OR5A1: variants seen among roughly 807,000 people sequenced by gnomAD.
OR5A1 encodes olfactory receptor 5A1.
A neutral mutation model predicts 6.7 loss-of-function variants in OR5A1; 6 were observed. The ratio of observed to expected loss-of-function variants is 0.89; its 90% CI spans 0.49 to 1.76. The LOEUF (loss-of-function observed/expected upper bound fraction) is 1.76, where lower values mean the gene tolerates loss of function less well. Among genes scored for constraint, OR5A1 ranks in the 40% most tolerant of loss-of-function variants. The pLI, the probability that OR5A1 is intolerant of heterozygous loss-of-function variation, is 0.01. For missense variants in OR5A1, 378 were observed against 381.7 expected (o/e 0.99, Z 0.08); for synonymous variants, 170 against 155.0 (o/e 1.10, Z -0.72).
chr11:59,441,112 T>A (rs1858476435), intron 1 of OR5A1, among the ~76,000 whole-genome samples: 1 of 152,154 alleles, frequency 6.6e-6, no homozygotes, highest in Admixed American at 6.6e-5. Flanking sequence ...ATTGAGGATG[T>A]CGAAATAAAG....
rs1404851474 is a variant in OR5A1, at chr11:59,444,226, A to G, written c.*110A>G. 1.0e-5 allele frequency: 7 copies of G among 676,428 alleles called. No individual in the cohort carries two copies. The highest frequency in any genetic ancestry group is 1.8e-5 in the African/African-American group (1 of 55,026). 41.9% of individuals were successfully genotyped at this position (676,428 alleles called of 1,614,324 possible). Reference sequence around the variant, plus strand: ...AGATATTTGGTGCTCTCATTTGTGGAGACTCTTCCCTCCAGATTCCTCTCA... The same window carrying G: ...AGATATTTGGTGCTCTCATTTGTGGGGACTCTTCCCTCCAGATTCCTCTCA... On this transcript the variant is annotated 3_prime_UTR_variant, in exon 2 of 2. Transcript: ENST00000641045.
chr11:59,440,557 C>G (rs550013401), intron 1 of OR5A1, among the ~76,000 whole-genome samples: 1 of 152,144 alleles, frequency 6.6e-6, no homozygotes, highest in East Asian at 1.9e-4. Context: ...TGAATGGGTG[C>G]CCCCAGATGA....
At chr11:59,438,954 C>A (rs947750743) in intron 1 of OR5A1, among the ~76,000 whole-genome samples, 6 of 152,096 alleles carry the variant, frequency 3.9e-5, no homozygotes, top group Non-Finnish European at 8.8e-5. Context: ...AAAGAAAGAC[C>A]TGGAAGAGCA....
chr11:59,436,988 C>A (rs1858423716), intron 1 of OR5A1, among the ~76,000 whole-genome samples, 153 bp downstream of exon 1: 1 of 152,152 alleles, frequency 6.6e-6, no homozygotes, highest in African/African-American at 2.4e-5. Context: ...TCCTCAAATT[C>A]AGCCAAATCT....
rs868264459 is a variant in OR5A1 at position 59,440,822 on chromosome 11, T to A, written c.-33-2314T>A. ...AGGAGCAAAACCTTAGAATATAGGATGAAGCTTAAAGTCATACCGACAATA... is the reference window on the plus strand; with the variant it reads ...AGGAGCAAAACCTTAGAATATAGGAAGAAGCTTAAAGTCATACCGACAATA... On this transcript the variant is annotated intron_variant, in intron 1 of 1. Transcript: ENST00000641045. Among the ~76,000 whole-genome samples, 12 of 152,316 alleles carry A rather than the reference T, an allele frequency of 7.9e-5. No individual in the cohort carries two copies. The Middle Eastern group carries it at 0.017, about 216-fold the overall frequency.
chr11:59,443,478 T>A lies in OR5A1; in HGVS notation c.310T>A (p.Phe104Ile). 1.2e-6 allele frequency: 2 copies of A among 1,613,760 alleles called. No individual in the cohort carries two copies. Among genetic ancestry groups the A allele is most frequent in the Admixed American group, 1.7e-5 (1 of 60,008 alleles). Residue 104 changes from phenylalanine to isoleucine, a missense_variant, in exon 2 of 2, where the codon TTT becomes ATT. Transcript: ENST00000641045. ...ATCATTTGTGGGCTGTGCTGCTCAGTTTTTTTTCTTTGTCGGCATGGGTCT... is the reference window on the plus strand; with the variant it reads ...ATCATTTGTGGGCTGTGCTGCTCAGATTTTTTTCTTTGTCGGCATGGGTCT... ...TISFVGCAAQFFFFVGMGLSE... is the reference protein window; with the variant it reads ...TISFVGCAAQIFFFVGMGLSE...
chr11:59,444,083 GA>G lies in OR5A1; in HGVS notation c.917del (p.Lys306ArgfsTer25), dbSNP rs760392902. 1.9e-6 allele frequency: 3 copies of G among 1,613,446 alleles called. No homozygotes were observed. Among genetic ancestry groups the G allele is most frequent in the Non-Finnish European group, 2.5e-6 (3 of 1,179,632 alleles). On this transcript the variant is annotated frameshift_variant, in exon 2 of 2. Transcript: ENST00000641045. LOFTEE classifies it high-confidence loss of function. ...RNKEIKDALW[K>X]VLERKKVFS is the part of the protein sequence containing the mutation. Reference sequence around the variant, plus strand: ...ACAAAGAGATCAAGGATGCCCTGTGGAAGGTGTTGGAAAGGAAGAAAGTGTT... The same window carrying G: ...ACAAAGAGATCAAGGATGCCCTGTGGAGGTGTTGGAAAGGAAGAAAGTGTT...
intron 1 of OR5A1, among the ~76,000 whole-genome samples, chr11:59,441,612 A>G (rs925158673): frequency 2.6e-5 from 4 of 152,212 alleles, no homozygotes; most frequent in Non-Finnish European, 5.9e-5. Context: ...TACCAGTTTC[A>G]GAGACCTGAT....
Position 59,447,111 on chromosome 11 carries a change from T to C in OR5A1, c.*2995T>C, listed in dbSNP as rs183223053. On this transcript the variant is annotated 3_prime_UTR_variant, in exon 2 of 2. Coordinates refer to ENST00000641045, the MANE Select transcript of OR5A1 (RefSeq NM_001004728.2). ...TACATGTTAAGCCATTGAATCCCTA[T>C]TGACACAGCCATTGAGTGGAAGCTG... 1.3e-5 allele frequency: 2 copies of C among 152,324 alleles called. No individual in the cohort carries two copies. The highest frequency in any genetic ancestry group is 3.9e-4 in the East Asian group (2 of 5,188). The allele number at this position is 152,324 out of a possible 1,614,324, so 9.4% of individuals were successfully genotyped here.
At position 59,443,625 on chromosome 11, in the gene OR5A1, G is replaced by T; in HGVS notation, c.457G>T (p.Val153Phe). ...TACACGCATGGTGGTTGGGGCATAT[G>T]TTGGTGGCTTCCTGAGCTCCCTGAT... is the stretch of plus-strand genomic sequence containing the variant. ...LCTRMVVGAY[V>F]GGFLSSLIQA... The change falls in exon 2 of 2, where the codon GTT becomes TTT. Residue 153 changes from valine (V) to phenylalanine (F), a missense_variant. Physicochemically the swap from Val to Phe is conservative, Grantham distance 50. Coordinates refer to ENST00000641045, the MANE Select transcript of OR5A1 (RefSeq NM_001004728.2). 6.2e-7 allele frequency: 1 copy of T among 1,614,066 alleles called. No individual in the cohort carries two copies. The highest frequency in any genetic ancestry group is 8.5e-7 in the Non-Finnish European group (1 of 1,180,028).
At position 59,446,293 on chromosome 11, in the gene OR5A1, G is replaced by A. The variant is rs1858548439; in HGVS notation, c.*2177G>A. On this transcript the variant is annotated 3_prime_UTR_variant, in exon 2 of 2. Transcript: ENST00000641045. The stretch of plus-strand genomic sequence containing the variant: ...CAGGTTTGTCAAAGATTCAATGGTT[G>A]TAGATGTGCAGTCTTATTTCTGAGA... The A allele has an allele frequency of 1.3e-5, 2 of 152,190 alleles. No individual in the cohort carries two copies. Among genetic ancestry groups the A allele is most frequent in the Admixed American group, 6.5e-5 (1 of 15,276 alleles). 9.4% of individuals were successfully genotyped at this position (152,190 alleles called of 1,614,324 possible).
chr11:59,448,248 TC>T lies in OR5A1; in HGVS notation c.*4135del, dbSNP rs1336130282. 6.6e-6 allele frequency: 1 copy of T among 151,944 alleles called. No homozygotes were observed. Among genetic ancestry groups the T allele is most frequent in the East Asian group, 1.9e-4 (1 of 5,180 alleles). The allele number at this position is 151,944 out of a possible 1,614,324, so 9.4% of individuals were successfully genotyped here. A position where few individuals can be genotyped will look rare whatever the true frequency, so the allele number is the denominator to read the frequency against. On this transcript the variant is annotated 3_prime_UTR_variant, in exon 2 of 2. Transcript: ENST00000641045. ...AACCTGCATGCCATTTCAGCGTAAG[TC>T]CCTCTCCAGGAAAACAGGAGGAAAA... is the stretch of plus-strand genomic sequence containing the variant.
intron 1 of OR5A1, among the ~76,000 whole-genome samples, chr11:59,438,723 G>C (rs1021611423): frequency 1.3e-5 from 2 of 152,188 alleles, no homozygotes; most frequent in African/African-American, 4.8e-5. Flanking sequence ...AATCCAAAAA[G>C]TAATTTAGAA....
chr11:59,441,938 T>TGATA (rs3033264), intron 1 of OR5A1, among the ~76,000 whole-genome samples: 12,098 of 148,000 alleles, frequency 0.082, 463 homozygotes, highest in Non-Finnish European at 0.092. Context: ...GATAGAGAGA[T>TGATA]GATAGATAGA....
rs1435139248 is a variant in OR5A1 at position 59,446,727 on chromosome 11, C to G, written c.*2611C>G. The G allele has an allele frequency of 6.6e-6, 1 of 152,214 alleles. No homozygotes were observed. Among genetic ancestry groups the G allele is most frequent in the African/African-American group, 2.4e-5 (1 of 41,446 alleles). The allele number at this position is 152,214 out of a possible 1,614,324, so 9.4% of individuals were successfully genotyped here. On this transcript the variant is annotated 3_prime_UTR_variant, in exon 2 of 2. Coordinates refer to ENST00000641045, the MANE Select transcript of OR5A1 (RefSeq NM_001004728.2). ...CAGATAATTACCCTTTCATTTCAGGCACTCACAGTGGAATTGTCCCACACA... is the reference window on the plus strand; with the variant it reads ...CAGATAATTACCCTTTCATTTCAGGGACTCACAGTGGAATTGTCCCACACA...
In OR5A1 at chr11:59,450,903, A is replaced by C. The variant is rs535992689; in HGVS notation, c.*6787A>C. On this transcript the variant is annotated 3_prime_UTR_variant, in exon 2 of 2. Coordinates refer to ENST00000641045, the MANE Select transcript of OR5A1 (RefSeq NM_001004728.2). ...GCCATATTTATTGAACAAATTTTCT[A>C]TATCAGACGCTAACTTAAATTCTAA... 7 of 152,350 alleles carry C rather than the reference A, an allele frequency of 4.6e-5. No homozygotes were observed. In the East Asian group the frequency reaches 1.4e-3, roughly 29 times the overall value. The allele number at this position is 152,350 out of a possible 1,614,324, so 9.4% of individuals were successfully genotyped here.
rs558840900 is a variant in OR5A1 at position 59,441,347 on chromosome 11, CT to C, written c.-33-1781del. Among the ~76,000 whole-genome samples, 23 of 151,928 alleles carry C rather than the reference CT, an allele frequency of 1.5e-4. No homozygotes were observed. The East Asian group carries it at 2.3e-3, about 15-fold the overall frequency. On this transcript the variant is annotated intron_variant, in intron 1 of 1. Coordinates refer to ENST00000641045, the MANE Select transcript of OR5A1 (RefSeq NM_001004728.2). The stretch of plus-strand genomic sequence containing the variant: ...GAGATAGATAATAATGTTCAGTTTC[CT>C]TTTTTTTATTAATCAGGAACATGAT...
chr11:59,440,069 T>C (rs969017731), intron 1 of OR5A1, among the ~76,000 whole-genome samples: 1 of 152,186 alleles, frequency 6.6e-6, no homozygotes, highest in African/African-American at 2.4e-5. Flanking sequence ...ACTGTTTGTT[T>C]TATTGTTGTT....
Position 59,446,615 on chromosome 11 carries a change from CT to C in OR5A1, c.*2500del, listed in dbSNP as rs1451092316. ...TGCTCCTATAAAATTCCTGTTTCTC[CT>C]CTTGAATAAATTAAACCTTGCAGCC... On this transcript the variant is annotated 3_prime_UTR_variant, in exon 2 of 2. Coordinates refer to ENST00000641045, the MANE Select transcript of OR5A1 (RefSeq NM_001004728.2). 1.3e-5 allele frequency: 2 copies of C among 152,162 alleles called. No homozygotes were observed. The highest frequency in any genetic ancestry group is 2.9e-5 in the Non-Finnish European group (2 of 68,030). The allele number at this position is 152,162 out of a possible 1,614,324, so 9.4% of individuals were successfully genotyped here. A position where few individuals can be genotyped will look rare whatever the true frequency, so the allele number is the denominator to read the frequency against.
Sources: gnomAD v4.1 joint callset for allele counts (sites outside exome capture counted in the v4.1 genomes callset) on GRCh38, gnomAD v4.1.1 for gene constraint, MANE v1.5 for transcripts, NCBI Gene and HGNC (gene_info 2026-07-23, HGNC 2026-07-21) for gene names.